DPP10: variants seen among roughly 807,000 people sequenced by gnomAD.
DPP10 encodes the protein inactive dipeptidyl peptidase 10.
DPP10 carries 33 observed loss-of-function variants against 120.9 expected under a neutral mutation model. The ratio of observed to expected loss-of-function variants is 0.27; its 90% CI spans 0.21 to 0.37. The LOEUF (loss-of-function observed/expected upper bound fraction) is 0.37, where lower values mean the gene tolerates loss of function less well. Ranked by LOEUF, DPP10 falls within the 10% of genes least tolerant of loss-of-function variation. The probability of loss-of-function intolerance (pLI) is 1.00; values close to 1 mark genes in which losing one functional copy is unlikely to be tolerated. For synonymous variants in DPP10, 337 were observed against 326.1 expected (o/e 1.03, Z -0.36); for missense variants, 816 against 942.8 (o/e 0.87, Z 1.76).
At chr2:115,567,516 C>T (rs1217500427) in intron 5 of DPP10, among the ~76,000 whole-genome samples, 1 of 141,760 alleles carries the variant, frequency 7.1e-6, no homozygotes, top group Admixed American at 7.5e-5. Flanking sequence ...CTCCAAATTA[C>T]CTCTTAAAGA....
chr2:114,688,214 G>T (rs1699496703), intron 1 of DPP10, among the ~76,000 whole-genome samples: 1 of 151,894 alleles, frequency 6.6e-6, no homozygotes, highest in Non-Finnish European at 1.5e-5. Flanking sequence ...AGAAGAGGGT[G>T]GGGCTAGCCT....
Position 115,343,893 on chromosome 2 carries a change from A to G in DPP10, c.252A>G (p.Pro84=). ...LFRKDFVLHD[P]EARWINDTDV... Reference sequence around the variant, plus strand: ...GGAAAGACTTTGTGCTTCACGATCCAGAGGCTCGGTGGATCAATGGTAAGT... The same window carrying G: ...GGAAAGACTTTGTGCTTCACGATCCGGAGGCTCGGTGGATCAATGGTAAGT... The change falls in exon 3 of 26, where the codon CCA becomes CCG. Residue 84 remains proline (P), a synonymous_variant. Coordinates refer to ENST00000410059, the MANE Select transcript of DPP10 (RefSeq NM_020868.6). 1.9e-6 allele frequency: 3 copies of G among 1,611,898 alleles called. No individual in the cohort carries two copies. The highest frequency in any genetic ancestry group is 2.5e-6 in the Non-Finnish European group (3 of 1,178,904).
intron 1 of DPP10, among the ~76,000 whole-genome samples, chr2:114,560,155 C>T (rs753324117): frequency 6.6e-6 from 1 of 152,094 alleles, no homozygotes; most frequent in African/African-American, 2.4e-5. Flanking sequence ...ATTGTCTAAT[C>T]CATATTGTGA....
intron 1 of DPP10, among the ~76,000 whole-genome samples, chr2:114,804,208 G>A (rs1684523506): frequency 6.6e-6 from 1 of 152,230 alleles, no homozygotes; most frequent in Non-Finnish European, 1.5e-5. Context: ...TTGAGGTTTG[G>A]GAACCTCTGC....
chr2:114,647,086 T>C (rs545272164), intron 1 of DPP10, among the ~76,000 whole-genome samples: 2 of 152,304 alleles, frequency 1.3e-5, no homozygotes, highest in South Asian at 2.1e-4. Flanking sequence ...GCCGTGGTCG[T>C]TGCCTCCTAT....
At position 115,045,979 on chromosome 2, in the gene DPP10, T is replaced by G. The variant is rs1041359009; in HGVS notation, c.61-263260T>G. ...CTTGTGTTTGCATAAGAGAGCCATT[T>G]TGTGTGTGCTGAAAGGCTGTGTGTG... On this transcript the variant is annotated intron_variant, in intron 1 of 25. Coordinates refer to ENST00000410059, the MANE Select transcript of DPP10 (RefSeq NM_020868.6). Among the ~76,000 whole-genome samples the G allele has an allele frequency of 4.7e-5, 7 of 147,852 alleles. No individual in the cohort carries two copies. In the South Asian group the frequency reaches 6.7e-4, roughly 14 times the overall value.
At chr2:115,217,398 T>C (rs889627639) in intron 1 of DPP10, among the ~76,000 whole-genome samples, 2 of 152,220 alleles carry the variant, frequency 1.3e-5, no homozygotes, top group Middle Eastern at 3.2e-3. Context: ...TTTTCGTGGA[T>C]GATGGTTATT....
At chr2:114,930,370 G>A (rs900197949) in intron 1 of DPP10, among the ~76,000 whole-genome samples, 1 of 152,172 alleles carries the variant, frequency 6.6e-6, no homozygotes, top group African/African-American at 2.4e-5. Flanking sequence ...ATTGAAAGCA[G>A]CCATGTCACT....
chr2:115,499,621 T>A lies in DPP10; in HGVS notation c.366+17T>A, dbSNP rs2076579658. The A allele has an allele frequency of 6.3e-6, 10 of 1,576,180 alleles. No homozygotes were observed. In the East Asian group the frequency reaches 2.3e-4, roughly 35 times the overall value. ...ACAACTTTTGTAAGTAATGAATAAT[T>A]AATTACTTTATGCATTTCAGTACTG... On this transcript the variant is annotated intron_variant, in intron 4 of 25. Transcript: ENST00000410059.
intron 1 of DPP10, among the ~76,000 whole-genome samples, chr2:114,491,967 A>G (rs1437801620): frequency 6.6e-6 from 1 of 152,192 alleles, no homozygotes; most frequent in Admixed American, 6.5e-5. Context: ...ATGAATGAAT[A>G]TAAGCTCAAA....
At chr2:114,785,473 CAAG>C (rs1334098212) in intron 1 of DPP10, among the ~76,000 whole-genome samples, 2 of 152,042 alleles carry the variant, frequency 1.3e-5, no homozygotes, top group African/African-American at 4.8e-5. Context: ...TTTATGCAGG[CAAG>C]AAGATAGTAT....
chr2:114,816,413 T>C (rs912276656), intron 1 of DPP10, among the ~76,000 whole-genome samples: 4 of 152,204 alleles, frequency 2.6e-5, no homozygotes, highest in African/African-American at 9.6e-5. Context: ...AAATAGGTGA[T>C]GGGCTAGACT....
intron 5 of DPP10, among the ~76,000 whole-genome samples, chr2:115,662,305 T>A (rs1418216579): frequency 6.6e-6 from 1 of 152,192 alleles, no homozygotes; most frequent in Non-Finnish European, 1.5e-5. Context: ...GGCTACTTAG[T>A]GAATAATGCT....
chr2:115,393,916 G>A (rs1302076311), intron 3 of DPP10, among the ~76,000 whole-genome samples: 1 of 152,156 alleles, frequency 6.6e-6, no homozygotes, highest in East Asian at 1.9e-4. Flanking sequence ...ATGAAACAAT[G>A]AAGTGTAATC....
chr2:114,510,358 C>A (rs1254114312), intron 1 of DPP10, among the ~76,000 whole-genome samples: 2 of 152,174 alleles, frequency 1.3e-5, no homozygotes, highest in Non-Finnish European at 2.9e-5. Flanking sequence ...GTAATCCCAG[C>A]ACTTTGGGAG....
intron 1 of DPP10, among the ~76,000 whole-genome samples, chr2:114,538,367 T>A (rs987201747): frequency 6.6e-6 from 1 of 152,152 alleles, no homozygotes; most frequent in Non-Finnish European, 1.5e-5. Flanking sequence ...GGCAAGGGTT[T>A]TGGAGATCTA....
chr2:114,977,092 T>C (rs1574617250), intron 1 of DPP10, among the ~76,000 whole-genome samples: 1 of 152,314 alleles, frequency 6.6e-6, no homozygotes, highest in Middle Eastern at 3.4e-3. Flanking sequence ...ATTGTTTTGA[T>C]ATTCAGTTTG....
At chr2:115,464,639 G>T (rs1313254864) in intron 3 of DPP10, among the ~76,000 whole-genome samples, 1 of 152,078 alleles carries the variant, frequency 6.6e-6, no homozygotes, top group African/African-American at 2.4e-5. Context: ...TCAATTCATT[G>T]CAAAGAGGAA....
intron 1 of DPP10, among the ~76,000 whole-genome samples, chr2:114,697,965 T>C (rs748196303): frequency 3.9e-5 from 6 of 152,062 alleles, no homozygotes; most frequent in Non-Finnish European, 7.4e-5. Context: ...ACTTAAATGT[T>C]TACAATTCCA....
Sources: gnomAD v4.1 joint callset for allele counts (sites outside exome capture counted in the v4.1 genomes callset) on GRCh38, gnomAD v4.1.1 for gene constraint, MANE v1.5 for transcripts, NCBI Gene and HGNC (gene_info 2026-07-23, HGNC 2026-07-21) for gene names.